The following UGT2B10 variants were observed in gnomAD, a reference collection of about 807,000 sequenced individuals.
UGT2B10 encodes UDP glucuronosyltransferase family 2 member B10, also known as UDP-glucuronosyltransferase 2B10.
A neutral mutation model predicts 43.7 loss-of-function variants in UGT2B10; 51 were observed. The ratio of observed to expected loss-of-function variants is 1.17; its 90% CI spans 0.93 to 1.47. The LOEUF (loss-of-function observed/expected upper bound fraction) is 1.47. UGT2B10 is among the 40% of genes most tolerant of loss of function. UGT2B10 has a pLI of 0.00. For missense variants in UGT2B10, 696 were observed against 617.7 expected (o/e 1.13, Z -1.34); for synonymous variants, 225 against 209.0 (o/e 1.08, Z -0.66).
chr4:68,825,294 C>CTTT (rs544230492), intron 3 of UGT2B10, among the ~76,000 whole-genome samples: 1 of 150,962 alleles, frequency 6.6e-6, no homozygotes, highest in African/African-American at 2.4e-5. Flanking sequence ...ATTTTTTATA[C>CTTT]TTTTTTTATA....
Position 68,816,391 on chromosome 4 carries a change from C to T in UGT2B10, c.372C>T (p.Asn124=). The part of the protein sequence containing the change: ...ILWAINDIIR[N]FCKDVVSNKK... ...GGGCAATTAATGACATAATTAGAAA[C>T]TTCTGTAAAGATGTAGTTTCAAATA... Residue 124 remains asparagine, a synonymous_variant, in exon 1 of 6, where the codon AAC becomes AAT. Transcript: ENST00000265403. The T allele has an allele frequency of 1.2e-6, 2 of 1,612,704 alleles. No homozygotes were observed. Among genetic ancestry groups the T allele is most frequent in the African/African-American group, 2.7e-5 (2 of 74,936 alleles).
At chr4:68,827,951 A>G (rs1737885113) in intron 5 of UGT2B10, among the ~76,000 whole-genome samples, 1 of 152,124 alleles carries the variant, frequency 6.6e-6, no homozygotes, top group Non-Finnish European at 1.5e-5. Context: ...TTTTATTATT[A>G]TCTTTATTGT....
intron 2 of UGT2B10, 94 bp downstream of exon 2, chr4:68,818,271 A>G: frequency 6.4e-7 from 1 of 1,556,116 alleles, no homozygotes; most frequent in South Asian, 1.3e-5. Flanking sequence ...CTAACACTGA[A>G]AAAGATGGGA....
chr4:68,829,938 T>C (rs1738005126), intron 5 of UGT2B10, among the ~76,000 whole-genome samples: 1 of 152,050 alleles, frequency 6.6e-6, no homozygotes, highest in African/African-American at 2.4e-5. Context: ...CTCACTTTAG[T>C]TGCAAAACAT....
At position 68,830,755 on chromosome 4, in the gene UGT2B10, A is replaced by G. The variant is rs1041322874; in HGVS notation, c.1463A>G (p.His488Arg). ...AAHNLTWFQY[H>R]SLDVIGFLLA... ...CACAACCTCACCTGGTTCCAGTACC[A>G]CTCTTTGGATGTGATTGGGTTCCTG... The change falls in exon 6 of 6, where the codon CAC (histidine) becomes CGC (arginine). Residue 488 changes from histidine (H) to arginine (R), a missense_variant. Transcript: ENST00000265403. The G allele has an allele frequency of 3.7e-6, 6 of 1,612,906 alleles. No homozygotes were observed. In the Admixed American group the frequency reaches 5.0e-5, roughly 13 times the overall value.
At chr4:68,827,578 G>A (rs776773001) in intron 5 of UGT2B10, 30 bp downstream of exon 5, 19 of 1,610,712 alleles carry the variant, frequency 1.2e-5, no homozygotes, top group Non-Finnish European at 1.6e-5. Flanking sequence ...TCACTAGATG[G>A]TATTAATAGA....
rs541305879 is a variant in UGT2B10 at position 68,818,196 on chromosome 4, G to C, written c.867+19G>C. ...ACCTAAGGTAAACATACTTTCGTTG[G>C]TTTTATTTTGTTGGCTTCAAATTTC... On this transcript the variant is annotated intron_variant, in intron 2 of 5. Transcript: ENST00000265403. The C allele has an allele frequency of 6.2e-7, 1 of 1,604,650 alleles. No homozygotes were observed. The highest frequency in any genetic ancestry group is 8.5e-7 in the Non-Finnish European group (1 of 1,176,344).
At chr4:68,825,989 C>T (rs1475681510) in intron 3 of UGT2B10, among the ~76,000 whole-genome samples, 8 of 152,098 alleles carry the variant, frequency 5.3e-5, no homozygotes, top group South Asian at 2.1e-4. Flanking sequence ...TATACAACCT[C>T]GCCAACATCA....
intron 2 of UGT2B10, among the ~76,000 whole-genome samples, chr4:68,821,261 G>C (rs1464227811): frequency 6.6e-6 from 1 of 152,092 alleles, no homozygotes; most frequent in Non-Finnish European, 1.5e-5. Context: ...ATACATTGGG[G>C]AACTCAAGTC....
Position 68,822,363 on chromosome 4 carries a change from C to T in UGT2B10, c.960C>T (p.Ala320=). The T allele has an allele frequency of 1.9e-6, 3 of 1,613,596 alleles. No homozygotes were observed. Among genetic ancestry groups the T allele is most frequent in the Admixed American group, 1.7e-5 (1 of 59,962 alleles). Residue 320 remains alanine (A), a synonymous_variant, in exon 3 of 6, where the codon GCC becomes GCT. Transcript: ENST00000265403. ...SMVSNMTEER[A]NVIATALAKI... is the part of the protein sequence containing the mutation. ...TCAGTAACATGACAGAAGAAAGGGC[C>T]AACGTAATTGCAACAGCCCTTGCCA...
intron 3 of UGT2B10, among the ~76,000 whole-genome samples, chr4:68,824,188 G>C (rs929674333): frequency 3.3e-5 from 5 of 152,246 alleles, no homozygotes; most frequent in Non-Finnish European, 5.9e-5. Context: ...TTCAGAGAAA[G>C]AGTGGCCTAG....
At position 68,821,448 on chromosome 4, in the gene UGT2B10, A is replaced by C. The variant is rs551390126; in HGVS notation, c.868-823A>C. On this transcript the variant is annotated intron_variant, in intron 2 of 5. Transcript: ENST00000265403. ...CAAAGTGATGATGAGAGTTCCTCAC[A>C]TGCAGTTAGAAATAGCACATCAATT... 2.0e-5 allele frequency among the ~76,000 whole-genome samples: 3 copies of C among 152,256 alleles called. No homozygotes were observed. The South Asian group carries it at 6.2e-4, about 32-fold the overall frequency.
intron 2 of UGT2B10, among the ~76,000 whole-genome samples, chr4:68,819,998 T>C (rs942240430): frequency 1.3e-5 from 2 of 152,018 alleles, no homozygotes; most frequent in African/African-American, 4.8e-5. Flanking sequence ...GTATAGGCTT[T>C]ATAGAGTCAG....
At chr4:68,823,474 T>G (rs572843844) in intron 3 of UGT2B10, among the ~76,000 whole-genome samples, 1 of 152,024 alleles carries the variant, frequency 6.6e-6, no homozygotes, top group Non-Finnish European at 1.5e-5. Flanking sequence ...AACATTGCAC[T>G]CCAGCCTGGG....
chr4:68,823,008 C>T (rs1048393865), intron 3 of UGT2B10, among the ~76,000 whole-genome samples: 4 of 152,076 alleles, frequency 2.6e-5, no homozygotes, highest in African/African-American at 7.2e-5. Flanking sequence ...TGTAGTATTT[C>T]TGTTTGTACT....
intron 5 of UGT2B10, among the ~76,000 whole-genome samples, chr4:68,829,107 G>A (rs1442110935): frequency 4.6e-5 from 7 of 151,844 alleles, no homozygotes; most frequent in Admixed American, 2.6e-4. Context: ...TCCAAAAAGC[G>A]TTAGCAACAG....
chr4:68,827,768 T>C (rs75123833), intron 5 of UGT2B10, among the ~76,000 whole-genome samples: 822 of 146,990 alleles, frequency 5.6e-3, no homozygotes, highest in Non-Finnish European at 8.6e-3. Context: ...GTTTTCTAAA[T>C]AAAAATAATT....
intron 3 of UGT2B10, among the ~76,000 whole-genome samples, chr4:68,825,533 C>T (rs1263950206): frequency 1.3e-5 from 2 of 152,038 alleles, no homozygotes; most frequent in African/African-American, 4.8e-5. Context: ...TTGTTGCCTT[C>T]TATGTGTACA....
chr4:68,827,137 C>G (rs1247350234), intron 4 of UGT2B10, among the ~76,000 whole-genome samples, 192 bp from the exon 5 acceptor site: 1 of 151,676 alleles, frequency 6.6e-6, no homozygotes, highest in African/African-American at 2.4e-5. Context: ...GTTTTGCAGT[C>G]TGAAGTCACA....
Sources: allele counts gnomAD v4.1 joint callset (sites outside exome capture counted in the v4.1 genomes callset), GRCh38; gene constraint gnomAD v4.1.1; transcripts MANE v1.5; gene names NCBI Gene and HGNC (gene_info 2026-07-23, HGNC 2026-07-21).